Variants in RAPGEF5 observed in about 807,000 individuals in gnomAD.
RAPGEF5 encodes the protein Rap guanine nucleotide exchange factor 5, also known as M-Ras-regulated GEF.
A neutral mutation model predicts 125.2 loss-of-function variants in RAPGEF5; 65 were observed. The observed-to-expected ratio is 0.52, with a 90% CI of 0.43 to 0.64. RAPGEF5 has a LOEUF of 0.64. RAPGEF5 is among the 30% of genes least tolerant of loss of function. The pLI, the probability that RAPGEF5 is intolerant of heterozygous loss-of-function variation, is 0.00. For synonymous variants in RAPGEF5, 391 were observed against 385.9 expected, an observed-to-expected ratio of 1.01 and a Z score of -0.16; for missense variants, 958 against 1,048.1, an observed-to-expected ratio of 0.91 and a Z score of 1.19.
At position 22,356,912 on chromosome 7, in the gene RAPGEF5, A is replaced by C; in HGVS notation, c.149T>G (p.Leu50Arg). 2.7e-6 allele frequency: 3 copies of C among 1,103,736 alleles called. No individual in the cohort carries two copies. The highest frequency in any genetic ancestry group is 3.3e-6 in the Non-Finnish European group (3 of 907,592). 68.4% of individuals were successfully genotyped at this position (1,103,736 alleles called of 1,614,324 possible). ...GGGCAGGTCCCTCAGCCGCGGCCGC[A>C]GCGACGCCGGCGGCTGCTCGCGCTC... ...EPEREQPPAS[L>R]RPRLRDLPAL... The change falls in exon 1 of 26, where the codon CTG (leucine) becomes CGG (arginine). Residue 50 changes from leucine to arginine, a missense_variant. Coordinates refer to ENST00000665637, the MANE Select transcript of RAPGEF5 (RefSeq NM_012294.5).
At chr7:22,311,381 G>A (rs1281048440) in intron 3 of RAPGEF5, among the ~76,000 whole-genome samples, 1 of 152,150 alleles carries the variant, frequency 6.6e-6, no homozygotes, top group Non-Finnish European at 1.5e-5. Context: ...AGGACCAAGA[G>A]ATGCCGACAT....
At chr7:22,131,177 A>G in intron 23 of RAPGEF5, 76 bp from the exon 24 acceptor site, 1 of 1,413,292 alleles carries the variant, frequency 7.1e-7, no homozygotes, top group Admixed American at 3.3e-5. Flanking sequence ...GTCTAGGTAC[A>G]ATGCAACTTA....
chr7:22,130,030 AC>A (rs1782866860), intron 24 of RAPGEF5, among the ~76,000 whole-genome samples: 1 of 152,118 alleles, frequency 6.6e-6, no homozygotes, highest in South Asian at 2.1e-4. Context: ...TCCCTGCCTC[AC>A]TTAACCTCCT....
intron 7 of RAPGEF5, among the ~76,000 whole-genome samples, chr7:22,238,763 G>A (rs1030713541): frequency 2.6e-5 from 4 of 152,210 alleles, no homozygotes; most frequent in Admixed American, 2.6e-4. Flanking sequence ...AGGCAGGTGT[G>A]TGGTTGGTCC....
chr7:22,290,744 C>CAAAA (rs398003971), intron 6 of RAPGEF5, among the ~76,000 whole-genome samples: 1 of 86,186 alleles, frequency 1.2e-5, no homozygotes, highest in Admixed American at 1.2e-4. Flanking sequence ...GACTCCGTCT[C>CAAAA]AAAAAAAAAA....
intron 9 of RAPGEF5, among the ~76,000 whole-genome samples, chr7:22,217,760 C>G (rs781692598): frequency 6.6e-6 from 1 of 152,204 alleles, no homozygotes; most frequent in South Asian, 2.1e-4. Context: ...TCTTTCCTCT[C>G]AGAAACAAAA....
At position 22,150,440 on chromosome 7, in the gene RAPGEF5, T is replaced by C; in HGVS notation, c.1851A>G (p.Ile617Met). Residue 617 changes from isoleucine (I) to methionine (M), a missense_variant, in exon 18 of 26, where the codon ATA becomes ATG. Transcript: ENST00000665637. ...CCGCCAGGTCTTTCCGGTAGACATA[T>C]ATTCGACCAGATGCCTCGAGGGATT... ...ISKSLEASGR[I>M]YVYRKDLADT... The C allele has an allele frequency of 1.2e-6, 2 of 1,609,106 alleles. No homozygotes were observed. The highest frequency in any genetic ancestry group is 1.7e-6 in the Non-Finnish European group (2 of 1,178,594).
intron 3 of RAPGEF5, among the ~76,000 whole-genome samples, chr7:22,313,076 C>T (rs1783510234): frequency 1.3e-5 from 2 of 152,134 alleles, no homozygotes; most frequent in Admixed American, 6.5e-5. Flanking sequence ...AGTTTCAATA[C>T]TAGGTAGGAA....
intron 11 of RAPGEF5, among the ~76,000 whole-genome samples, chr7:22,171,296 C>T (rs949209096): frequency 4.6e-5 from 7 of 152,120 alleles, no homozygotes; most frequent in Admixed American, 4.6e-4. Flanking sequence ...ATCTATTACA[C>T]TACATAGTAC....
intron 9 of RAPGEF5, among the ~76,000 whole-genome samples, chr7:22,207,475 G>A (rs902339817): frequency 1.3e-5 from 2 of 152,128 alleles, no homozygotes; most frequent in Admixed American, 6.5e-5. Flanking sequence ...GGGGTGGGGG[G>A]AGGAAATAGT....
chr7:22,283,145 A>G (rs1782715176), intron 6 of RAPGEF5, among the ~76,000 whole-genome samples: 1 of 152,110 alleles, frequency 6.6e-6, no homozygotes, highest in Non-Finnish European at 1.5e-5. Flanking sequence ...TCTAATCTGC[A>G]TTTAGAAAAA....
At chr7:22,325,797 C>G (rs934215285) in intron 1 of RAPGEF5, among the ~76,000 whole-genome samples, 1 of 151,880 alleles carries the variant, frequency 6.6e-6, no homozygotes, top group Non-Finnish European at 1.5e-5. Context: ...CTCCTGAGAT[C>G]AAGCAATCCT....
At position 22,308,506 on chromosome 7, in the gene RAPGEF5, C is replaced by T; in HGVS notation, c.513G>A (p.Val171=). The stretch of plus-strand genomic sequence containing the variant: ...TATCTTGAAAGTATAGATGCTGGTC[C>T]ACTGTTTGAAACAAAAAATATATAG... ...LLLDMGIMLS[V]DQHLYFQDTY... The change falls in exon 5 of 26, where the codon GTG becomes GTA. Residue 171 remains valine, a splice_region_variant and synonymous_variant. Transcript: ENST00000665637. 1.3e-6 allele frequency: 2 copies of T among 1,529,234 alleles called. No individual in the cohort carries two copies. The highest frequency in any genetic ancestry group is 2.4e-5 in the East Asian group (1 of 41,160). The allele number at this position is 1,529,234 out of a possible 1,614,324, so 94.7% of individuals were successfully genotyped here.
chr7:22,249,514 C>T (rs551996996), intron 7 of RAPGEF5, among the ~76,000 whole-genome samples: 1 of 151,826 alleles, frequency 6.6e-6, no homozygotes. Context: ...AGTGCAAATC[C>T]GCTCAAAAAA....
At chr7:22,187,755 A>T (rs1784866507) in intron 11 of RAPGEF5, among the ~76,000 whole-genome samples, 1 of 152,226 alleles carries the variant, frequency 6.6e-6, no homozygotes, top group Admixed American at 6.5e-5. Context: ...GTCCTGTCAG[A>T]GGGGTTGTAA....
rs1426100100 is a variant in RAPGEF5, at chr7:22,316,481, ATATATATATTTTT to A, written c.283-1018_283-1006del. 6.8e-4 allele frequency among the ~76,000 whole-genome samples: 29 copies of A among 42,604 alleles called. 1 individual carries two copies. The highest frequency in any genetic ancestry group is 4.7e-3 in the East Asian group (7 of 1,484). 27.9% of individuals were successfully genotyped at this position (42,604 alleles called of 152,430 possible). A position where few individuals can be genotyped will look rare whatever the true frequency, so the allele number is the denominator to read the frequency against. ...TAGACATATATATATATATATATAT[ATATATATATTTTT>A]TTTTTTTTTTTTTTGAGGCAGGGTC... On this transcript the variant is annotated intron_variant, in intron 2 of 25. Transcript: ENST00000665637.
intron 11 of RAPGEF5, among the ~76,000 whole-genome samples, chr7:22,171,979 A>C (rs766553536): frequency 6.6e-6 from 1 of 152,208 alleles, no homozygotes; most frequent in Non-Finnish European, 1.5e-5. Context: ...TAATCATTGA[A>C]ATTGGAAGGT....
chr7:22,306,536 T>C (rs571710451), intron 5 of RAPGEF5, among the ~76,000 whole-genome samples: 1 of 152,342 alleles, frequency 6.6e-6, no homozygotes, highest in South Asian at 2.1e-4. Flanking sequence ...AATTTGTTCA[T>C]TGTATCCTTG....
intron 1 of RAPGEF5, among the ~76,000 whole-genome samples, chr7:22,351,924 AAG>A (rs1018239667): frequency 6.6e-6 from 1 of 152,186 alleles, no homozygotes; most frequent in African/African-American, 2.4e-5. Context: ...GGCAAAGAAA[AAG>A]AGAGAACTTC....
Sources: gnomAD v4.1 joint callset for allele counts (sites outside exome capture counted in the v4.1 genomes callset) on GRCh38, gnomAD v4.1.1 for gene constraint, MANE v1.5 for transcripts, NCBI Gene and HGNC (gene_info 2026-07-23, HGNC 2026-07-21) for gene names.